The following PDE11A variants were observed in gnomAD, a reference collection of about 807,000 sequenced individuals.
The protein encoded by PDE11A is phosphodiesterase 11A, also known as dual 3',5'-cyclic-AMP and -GMP phosphodiesterase 11A.
In PDE11A, 100 loss-of-function variants were observed where a neutral mutation model predicts 100.5. The ratio of observed to expected loss-of-function variants is 1.00; its 90% confidence interval spans 0.85 to 1.18. The LOEUF is 1.18. PDE11A is among the 50% of genes most tolerant of loss of function. PDE11A has a pLI of 0.00. For synonymous variants in PDE11A, 381 were observed against 420.8 expected (o/e 0.91, Z 1.16); for missense variants, 1,141 against 1,152.6 (o/e 0.99, Z 0.15).
At chr2:177,803,272 G>C (rs1263756831) in intron 9 of PDE11A, among the ~76,000 whole-genome samples, 1 of 151,460 alleles carries the variant, frequency 6.6e-6, no homozygotes, top group Non-Finnish European at 1.5e-5. Context: ...TATATTCAGA[G>C]CAGTGAGATT....
At chr2:178,014,247 T>C (rs2086306178) in intron 2 of PDE11A, 55 bp downstream of exon 2, 3 of 1,315,476 alleles carry the variant, frequency 2.3e-6, no homozygotes, top group Non-Finnish European at 2.2e-6. Context: ...TAAAGGAGAA[T>C]AGCAATCAAT....
intron 2 of PDE11A, among the ~76,000 whole-genome samples, chr2:177,966,346 G>A (rs2085697803): frequency 6.6e-6 from 1 of 152,002 alleles, no homozygotes; most frequent in Non-Finnish European, 1.5e-5. Flanking sequence ...TCTTTCTCTT[G>A]CTTGATTGCT....
intron 1 of PDE11A, among the ~76,000 whole-genome samples, chr2:178,015,722 T>G (rs953942465): frequency 1.3e-5 from 2 of 151,886 alleles, no homozygotes; most frequent in Non-Finnish European, 2.9e-5. Flanking sequence ...TTCAACTCAC[T>G]TTCAAGGAAG....
rs560543754 is a variant in PDE11A at position 177,979,831 on chromosome 2, C to T, written c.1071+34471G>A. ...TTCACCATGTTAGCCAGGATGGTCT[C>T]GATCTCCTGACCTCATGATCCGCCT... On this transcript the variant is annotated intron_variant, in intron 2 of 19. Transcript: ENST00000286063. 1.6e-4 allele frequency among the ~76,000 whole-genome samples: 24 copies of T among 149,644 alleles called. No individual in the cohort carries two copies. In the East Asian group the frequency reaches 2.0e-3, roughly 12 times the overall value.
intron 2 of PDE11A, among the ~76,000 whole-genome samples, chr2:177,912,026 A>G (rs1303474255): frequency 6.6e-6 from 1 of 152,148 alleles, no homozygotes; most frequent in Admixed American, 6.5e-5. Flanking sequence ...GCAAATAAAA[A>G]AGAAGGAGAA....
chr2:178,033,767 AGTTT>A (rs1425929119), intron 1 of PDE11A, among the ~76,000 whole-genome samples: 25 of 152,186 alleles, frequency 1.6e-4, no homozygotes, highest in Admixed American at 1.6e-3. Context: ...AACAAAAAAA[AGTTT>A]TCAACCCAGA....
chr2:177,802,049 A>C (rs2082802807), intron 9 of PDE11A, among the ~76,000 whole-genome samples: 1 of 152,086 alleles, frequency 6.6e-6, no homozygotes, highest in South Asian at 2.1e-4. Flanking sequence ...AAAAGTGGGC[A>C]AAAAAATTGG....
intron 13 of PDE11A, 60 bp downstream of exon 13, chr2:177,711,709 A>G: frequency 1.1e-6 from 1 of 936,130 alleles, no homozygotes; most frequent in Non-Finnish European, 1.7e-6. Context: ...AGCATTCGTC[A>G]CCTTTGGCTC....
chr2:178,025,598 C>T (rs1257306471), intron 1 of PDE11A, among the ~76,000 whole-genome samples: 2 of 152,126 alleles, frequency 1.3e-5, no homozygotes, highest in African/African-American at 2.4e-5. Context: ...TGAAGACCCA[C>T]ACCACACTTG....
intron 10 of PDE11A, among the ~76,000 whole-genome samples, chr2:177,738,220 C>T (rs1169442493): frequency 6.6e-6 from 1 of 152,092 alleles, no homozygotes; most frequent in Admixed American, 6.5e-5. Context: ...TCTTCAAGTT[C>T]CAATCTGAGC....
chr2:177,811,323 C>T (rs181797850), intron 9 of PDE11A, among the ~76,000 whole-genome samples: 26 of 151,962 alleles, frequency 1.7e-4, no homozygotes, highest in East Asian at 1.5e-3. Context: ...ATAGTAAATG[C>T]CTCTCTTTGT....
intron 2 of PDE11A, among the ~76,000 whole-genome samples, chr2:177,918,924 T>A (rs746266789): frequency 2.0e-5 from 3 of 152,160 alleles, no homozygotes; most frequent in Non-Finnish European, 4.4e-5. Context: ...AAAATTCCTA[T>A]GCTATTCAAA....
At chr2:177,973,269 A>T (rs1213180083) in intron 2 of PDE11A, among the ~76,000 whole-genome samples, 2 of 129,164 alleles carry the variant, frequency 1.5e-5, no homozygotes, top group Non-Finnish European at 3.3e-5. Context: ...GCATTGCCTC[A>T]CCTGGGAAGC....
intron 17 of PDE11A, among the ~76,000 whole-genome samples, chr2:177,674,178 A>G (rs1301920548): frequency 1.3e-5 from 2 of 152,290 alleles, no homozygotes; most frequent in South Asian, 2.1e-4. Flanking sequence ...GCCACCTACA[A>G]GCTGTTTAAA....
chr2:177,839,982 A>G (rs77221106), intron 6 of PDE11A, among the ~76,000 whole-genome samples: 1,747 of 152,320 alleles, frequency 0.011, 26 homozygotes, highest in East Asian at 0.076. Context: ...ACTTTGTTAT[A>G]TACACTTTTC....
At chr2:177,984,740 C>G (rs979126249) in intron 2 of PDE11A, among the ~76,000 whole-genome samples, 1 of 152,214 alleles carries the variant, frequency 6.6e-6, no homozygotes, top group Admixed American at 6.5e-5. Flanking sequence ...GACTAATGCT[C>G]TCTCTATTAA....
chr2:177,921,138 GT>G (rs556082565), intron 2 of PDE11A, among the ~76,000 whole-genome samples: 13 of 148,510 alleles, frequency 8.8e-5, no homozygotes, highest in African/African-American at 2.5e-4. Flanking sequence ...AATGTACAAG[GT>G]TTTTTTTAAA....
intron 2 of PDE11A, among the ~76,000 whole-genome samples, chr2:177,979,530 G>T (rs543044576): frequency 6.7e-6 from 1 of 149,232 alleles, no homozygotes; most frequent in Non-Finnish European, 1.5e-5. Flanking sequence ...GGTATGCAGC[G>T]TCTCAATTCT....
chr2:177,792,698 C>A (rs1415840622), intron 9 of PDE11A, among the ~76,000 whole-genome samples: 2 of 152,100 alleles, frequency 1.3e-5, no homozygotes, highest in Non-Finnish European at 2.9e-5. Flanking sequence ...ATGCAAAGGG[C>A]AATTTCCAAT....
Sources: gnomAD v4.1 joint callset for allele counts (sites outside exome capture counted in the v4.1 genomes callset) on GRCh38, gnomAD v4.1.1 for gene constraint, MANE v1.5 for transcripts, NCBI Gene and HGNC (gene_info 2026-07-23, HGNC 2026-07-21) for gene names.